Variants in CYP7B1 observed in about 807,000 individuals in gnomAD.
CYP7B1 encodes cytochrome P450 7B1.
A neutral mutation model predicts 42.7 loss-of-function variants in CYP7B1; 29 were observed. The observed-to-expected ratio is 0.68, with a 90% CI of 0.51 to 0.93. The LOEUF (loss-of-function observed/expected upper bound fraction) is 0.93, where lower values mean the gene tolerates loss of function less well. CYP7B1 is among the 40% of genes least tolerant of loss of function. CYP7B1 has a pLI of 0.00. For missense variants in CYP7B1, 655 were observed against 600.5 expected, an observed-to-expected ratio of 1.09 and a Z score of -0.95; for synonymous variants, 235 against 218.2, an observed-to-expected ratio of 1.08 and a Z score of -0.68.
intron 1 of CYP7B1, among the ~76,000 whole-genome samples, chr8:64,648,181 G>A (rs2129631137): frequency 6.6e-6 from 1 of 152,300 alleles, no homozygotes; most frequent in Non-Finnish European, 1.5e-5. Context: ...GGTGACTGTA[G>A]TGATAGAGTT....
At chr8:64,705,570 C>T (rs1324994369) in intron 1 of CYP7B1, among the ~76,000 whole-genome samples, 1 of 141,792 alleles carries the variant, frequency 7.1e-6, no homozygotes. Flanking sequence ...TTATCATGTC[C>T]TTTGGTTTTT....
chr8:64,700,985 C>A lies in CYP7B1; in HGVS notation c.123-76446G>T, dbSNP rs138301813. Among the ~76,000 whole-genome samples, 381 of 152,016 alleles carry A rather than the reference C, an allele frequency of 2.5e-3. 3 individuals are homozygous for A. Among genetic ancestry groups the A allele is most frequent in the Non-Finnish European group, 3.9e-3 (264 of 67,930 alleles). ...GGTGGCTATTTTAATGATATCAAATCTTTTTTGCTTGTGTCCTAAGAGTAA... is the reference window on the plus strand; with the variant it reads ...GGTGGCTATTTTAATGATATCAAATATTTTTTGCTTGTGTCCTAAGAGTAA... On this transcript the variant is annotated intron_variant, in intron 1 of 5. Coordinates refer to ENST00000310193, the MANE Select transcript of CYP7B1 (RefSeq NM_004820.5).
chr8:64,663,375 A>C (rs961002150), intron 1 of CYP7B1, among the ~76,000 whole-genome samples: 3 of 152,208 alleles, frequency 2.0e-5, no homozygotes, highest in African/African-American at 7.2e-5. Flanking sequence ...GTTTTAAAAA[A>C]TGGTTGTATG....
At chr8:64,707,665 C>G (rs1807020564) in intron 1 of CYP7B1, among the ~76,000 whole-genome samples, 1 of 152,028 alleles carries the variant, frequency 6.6e-6, no homozygotes, top group African/African-American at 2.4e-5. Context: ...GCCATTTCAT[C>G]CAAACATTTA....
At chr8:64,677,512 A>G (rs1806466606) in intron 1 of CYP7B1, among the ~76,000 whole-genome samples, 1 of 151,424 alleles carries the variant, frequency 6.6e-6, no homozygotes, top group Admixed American at 6.6e-5. Context: ...AATGACAATT[A>G]CATACAAGTA....
chr8:64,745,462 T>C (rs1221189428), intron 1 of CYP7B1, among the ~76,000 whole-genome samples: 1 of 152,196 alleles, frequency 6.6e-6, no homozygotes, highest in East Asian at 1.9e-4. Flanking sequence ...TTTAAGCCAT[T>C]ATCTAATCTT....
intron 1 of CYP7B1, among the ~76,000 whole-genome samples, chr8:64,656,354 G>A (rs527602603): frequency 6.6e-6 from 1 of 152,308 alleles, no homozygotes; most frequent in South Asian, 2.1e-4. Context: ...AATGTCATGG[G>A]GGGTAGAGAT....
intron 1 of CYP7B1, among the ~76,000 whole-genome samples, chr8:64,767,755 C>T (rs1804123496): frequency 2.0e-5 from 3 of 152,162 alleles, no homozygotes; most frequent in African/African-American, 7.2e-5. Context: ...TATCTTTAAC[C>T]TCCTTGTTTA....
chr8:64,737,991 CCTGT>C (rs1348980561), intron 1 of CYP7B1, among the ~76,000 whole-genome samples: 10 of 152,084 alleles, frequency 6.6e-5, no homozygotes, highest in Non-Finnish European at 1.5e-5. Flanking sequence ...TTTTTGCTTT[CCTGT>C]CTGTCTGTGC....
At chr8:64,770,495 A>AG (rs1347170734) in intron 1 of CYP7B1, among the ~76,000 whole-genome samples, 3 of 152,236 alleles carry the variant, frequency 2.0e-5, no homozygotes, top group Non-Finnish European at 4.4e-5. Flanking sequence ...ACCTATTAAA[A>AG]GGGGCATACT....
At chr8:64,643,248 G>A (rs1460685463) in intron 1 of CYP7B1, among the ~76,000 whole-genome samples, 1 of 150,382 alleles carries the variant, frequency 6.6e-6, no homozygotes, top group African/African-American at 2.4e-5. Context: ...TGCAGGTTCA[G>A]TTCCAGACCA....
intron 1 of CYP7B1, among the ~76,000 whole-genome samples, chr8:64,757,781 T>C (rs574258349): frequency 6.6e-6 from 1 of 152,358 alleles, no homozygotes; most frequent in East Asian, 1.9e-4. Flanking sequence ...AAACCCTGAA[T>C]ACTCACACAT....
intron 1 of CYP7B1, among the ~76,000 whole-genome samples, chr8:64,672,476 A>C (rs1395298464): frequency 6.6e-6 from 1 of 152,132 alleles, no homozygotes; most frequent in Non-Finnish European, 1.5e-5. Context: ...ACCCTACTCT[A>C]AACCTACCAG....
chr8:64,735,369 ATC>A (rs932445581), intron 1 of CYP7B1, among the ~76,000 whole-genome samples: 6 of 152,130 alleles, frequency 3.9e-5, no homozygotes, highest in Non-Finnish European at 8.8e-5. Context: ...TATAAAGGAA[ATC>A]TCCATTTCTA....
chr8:64,764,229 G>GCTCCCCCCCC (rs1554539986), intron 1 of CYP7B1, among the ~76,000 whole-genome samples: 72 of 125,230 alleles, frequency 5.7e-4, no homozygotes, highest in African/African-American at 2.1e-3. Context: ...CTTCCACGCT[G>GCTCCCCCCCC]CCCCCCCCAC....
At chr8:64,764,120 C>T (rs1157883789) in intron 1 of CYP7B1, among the ~76,000 whole-genome samples, 1 of 152,084 alleles carries the variant, frequency 6.6e-6, no homozygotes, top group African/African-American at 2.4e-5. Flanking sequence ...ATGTGGGACC[C>T]GTTCCCCACC....
chr8:64,690,417 C>CAAAA (rs1312663344), intron 1 of CYP7B1, among the ~76,000 whole-genome samples: 1 of 152,058 alleles, frequency 6.6e-6, no homozygotes, highest in Non-Finnish European at 1.5e-5. Flanking sequence ...AACAAACAAA[C>CAAAA]AAAAAGTAAT....
Position 64,594,422 on chromosome 8 carries a change from A to C in CYP7B1, c.*2220T>G, listed in dbSNP as rs7833760. ...GAGCTTCATAAGAAAATTAGGAAGA[A>C]TATAACTTACAGAAAATAGGTACTC... On this transcript the variant is annotated 3_prime_UTR_variant, in exon 6 of 6. Transcript: ENST00000310193. Among the ~76,000 whole-genome samples, 2 of 152,208 alleles carry C rather than the reference A, an allele frequency of 1.3e-5. No individual in the cohort carries two copies. Among genetic ancestry groups the C allele is most frequent in the African/African-American group, 4.8e-5 (2 of 41,454 alleles).
chr8:64,754,061 C>G (rs1006664647), intron 1 of CYP7B1, among the ~76,000 whole-genome samples: 1 of 151,362 alleles, frequency 6.6e-6, no homozygotes, highest in African/African-American at 2.4e-5. Flanking sequence ...AACAAAGATG[C>G]CAGTGTGGTT....
Sources: gnomAD v4.1 joint callset for allele counts (sites outside exome capture counted in the v4.1 genomes callset) on GRCh38, gnomAD v4.1.1 for gene constraint, MANE v1.5 for transcripts, NCBI Gene and HGNC (gene_info 2026-07-23, HGNC 2026-07-21) for gene names.